The following MTUS1 variants were observed in gnomAD, a reference collection of about 807,000 sequenced individuals.
MTUS1 encodes microtubule-associated tumor suppressor 1.
A neutral mutation model predicts 120.8 loss-of-function variants in MTUS1; 109 were observed. The ratio of observed to expected loss-of-function variants is 0.90; its 90% CI spans 0.77 to 1.06. MTUS1 has a LOEUF of 1.06. MTUS1 is among the 50% of genes least tolerant of loss of function. The probability of loss-of-function intolerance (pLI) is 0.00; values close to 1 mark genes in which losing one functional copy is unlikely to be tolerated. For missense variants in MTUS1, 2,210 were observed against 1,486.3 expected, an observed-to-expected ratio of 1.49 and a Z score of -8.01; for synonymous variants, 737 against 550.5, an observed-to-expected ratio of 1.34 and a Z score of -4.74.
At chr8:17,683,764 T>C (rs1451385805) in intron 7 of MTUS1, among the ~76,000 whole-genome samples, 1 of 152,216 alleles carries the variant, frequency 6.6e-6, no homozygotes, top group African/African-American at 2.4e-5. Context: ...TCAATGAATT[T>C]TAGCCAGTTC....
Position 17,723,807 on chromosome 8 carries a change from G to A in MTUS1, c.2314C>T (p.Gln772Ter). 6.3e-7 allele frequency: 1 copy of A among 1,597,446 alleles called. No homozygotes were observed. Among genetic ancestry groups the A allele is most frequent in the Non-Finnish European group, 8.5e-7 (1 of 1,171,494 alleles). Residue 772 changes from glutamine to a stop codon, truncating the protein, a stop_gained, in exon 4 of 15, where the codon CAG becomes TAG. Coordinates refer to ENST00000693296, the MANE Select transcript of MTUS1 (RefSeq NM_001363059.2). LOFTEE classifies it high-confidence loss of function. ...CTAGGCAAATTCACCCATGACGACT[G>A]TGCAGTTTTCAAGGATGTAGGCTTT... ...SGKPTSLKTAQSSWVNLPRPL... is the reference protein window; with the variant it reads ...SGKPTSLKTA
chr8:17,758,504 A>T (rs75557744), intron 1 of MTUS1, among the ~76,000 whole-genome samples: 1 of 152,270 alleles, frequency 6.6e-6, no homozygotes, highest in Non-Finnish European at 1.5e-5. Flanking sequence ...CCTTAATAAA[A>T]GCTTTTATGA....
At chr8:17,650,036 G>C (rs905185459) in intron 12 of MTUS1, 74 bp from the exon 13 acceptor site, 15 of 834,890 alleles carry the variant, frequency 1.8e-5, no homozygotes, top group Non-Finnish European at 2.7e-5. Flanking sequence ...TCTTTGATTA[G>C]ATTGAGACAT....
At chr8:17,656,198 G>T (rs1808189202) in intron 8 of MTUS1, 133 bp from the exon 9 acceptor site, 2 of 766,666 alleles carry the variant, frequency 2.6e-6, no homozygotes, top group Non-Finnish European at 4.3e-6. Context: ...TAGTGACCAT[G>T]TCTTCAAATA....
intron 1 of MTUS1, among the ~76,000 whole-genome samples, chr8:17,773,686 C>T (rs545513871): frequency 1.3e-4 from 20 of 152,292 alleles, no homozygotes; most frequent in Admixed American, 9.8e-4. Context: ...GGGTCCACAC[C>T]TGATGAAATT....
chr8:17,659,053 C>G (rs1809092982), intron 8 of MTUS1, among the ~76,000 whole-genome samples: 1 of 152,152 alleles, frequency 6.6e-6, no homozygotes, highest in South Asian at 2.1e-4. Flanking sequence ...TCACAGAGGA[C>G]CCTCCTAAAC....
At chr8:17,777,458 A>G (rs1245152611) in intron 1 of MTUS1, among the ~76,000 whole-genome samples, 3 of 151,988 alleles carry the variant, frequency 2.0e-5, no homozygotes, top group Admixed American at 6.6e-5. Context: ...AAAAGAAAAA[A>G]AAAAAAAAAG....
chr8:17,733,409 G>A (rs1466011329), intron 3 of MTUS1, among the ~76,000 whole-genome samples: 2 of 151,548 alleles, frequency 1.3e-5, no homozygotes, highest in Admixed American at 6.6e-5. Context: ...ATAAACATAT[G>A]TGCATGAGAA....
intron 6 of MTUS1, among the ~76,000 whole-genome samples, chr8:17,707,521 A>T (rs1032855149): frequency 1.3e-5 from 2 of 152,224 alleles, no homozygotes; most frequent in Admixed American, 6.5e-5. Flanking sequence ...TTGACCCCTT[A>T]GAATACATTC....
At chr8:17,686,094 A>C (rs1815739838) in intron 6 of MTUS1, among the ~76,000 whole-genome samples, 1 of 152,210 alleles carries the variant, frequency 6.6e-6, no homozygotes, top group South Asian at 2.1e-4. Context: ...TTCGCTCATC[A>C]CAGTGTGCTC....
chr8:17,675,008 A>AGTT, intron 8 of MTUS1, 178 bp downstream of exon 8: 1 of 1,410,368 alleles, frequency 7.1e-7, no homozygotes, highest in Non-Finnish European at 9.2e-7. Context: ...TGTGAACTGA[A>AGTT]GGTCAAGCTG....
chr8:17,733,550 G>A (rs1019877547), intron 3 of MTUS1, among the ~76,000 whole-genome samples: 2 of 152,122 alleles, frequency 1.3e-5, no homozygotes, highest in African/African-American at 4.8e-5. Context: ...AGCCTACTGG[G>A]AAGAGAGTAG....
intron 14 of MTUS1, among the ~76,000 whole-genome samples, chr8:17,646,692 G>T (rs923384666): frequency 2.0e-5 from 3 of 152,144 alleles, no homozygotes; most frequent in African/African-American, 7.2e-5. Flanking sequence ...TATGTTGCAG[G>T]CTGTTTTCTA....
At chr8:17,688,116 G>A (rs1028387968) in intron 6 of MTUS1, among the ~76,000 whole-genome samples, 1 of 152,208 alleles carries the variant, frequency 6.6e-6, no homozygotes. Context: ...GACCTACTGA[G>A]GGAGTTTGCC....
chr8:17,690,308 G>A (rs1816697651), intron 6 of MTUS1, among the ~76,000 whole-genome samples: 2 of 152,122 alleles, frequency 1.3e-5, no homozygotes, highest in Non-Finnish European at 2.9e-5. Flanking sequence ...AATCATCAGA[G>A]AAATGCAAAT....
intron 1 of MTUS1, among the ~76,000 whole-genome samples, chr8:17,764,496 G>A (rs1418201417): frequency 6.6e-6 from 1 of 151,392 alleles, no homozygotes; most frequent in African/African-American, 2.4e-5. Flanking sequence ...CCTACACACT[G>A]AACAATTTCC....
chr8:17,666,281 TA>T (rs59263006), intron 8 of MTUS1, among the ~76,000 whole-genome samples: 11,224 of 140,496 alleles, frequency 0.08, 601 homozygotes, highest in East Asian at 0.25. Flanking sequence ...AGTTTCAATG[TA>T]AAAAAAAAAA....
At chr8:17,725,393 A>T (rs1343412335) in intron 3 of MTUS1, among the ~76,000 whole-genome samples, 1 of 152,176 alleles carries the variant, frequency 6.6e-6, no homozygotes. Context: ...CTTCGGCTCC[A>T]GCCTCACTCT....
At chr8:17,735,287 C>A (rs573485593) in intron 3 of MTUS1, among the ~76,000 whole-genome samples, 56 of 152,284 alleles carry the variant, frequency 3.7e-4, no homozygotes, top group Admixed American at 1.2e-3. Flanking sequence ...CATGGCCCAC[C>A]ACCTATCCAG....
Sources: allele counts gnomAD v4.1 joint callset (sites outside exome capture counted in the v4.1 genomes callset), GRCh38; gene constraint gnomAD v4.1.1; transcripts MANE v1.5; gene names NCBI Gene and HGNC (gene_info 2026-07-23, HGNC 2026-07-21).